ATP6V0D2: variants seen among roughly 807,000 people sequenced by gnomAD.
The protein encoded by ATP6V0D2 is ATPase H+ transporting V0 subunit d2, also known as V-type proton ATPase subunit d 2.
A neutral mutation model predicts 40.0 loss-of-function variants in ATP6V0D2; 40 were observed. The ratio of observed to expected loss-of-function variants is 1.00; its 90% CI spans 0.78 to 1.30. The LOEUF is 1.30. Among genes scored for constraint, ATP6V0D2 ranks in the 50% most tolerant of loss-of-function variants. The probability of loss-of-function intolerance (pLI) is 0.00; values close to 1 mark genes in which losing one functional copy is unlikely to be tolerated. For synonymous variants in ATP6V0D2, 179 were observed against 156.3 expected (o/e 1.15, Z -1.08); for missense variants, 470 against 423.1 (o/e 1.11, Z -0.97).
chr8:86,132,376 G>T (rs1384946055), intron 2 of ATP6V0D2, among the ~76,000 whole-genome samples: 1 of 151,862 alleles, frequency 6.6e-6, no homozygotes, highest in Non-Finnish European at 1.5e-5. Flanking sequence ...ATACATTGTT[G>T]TTAACTATAG....
chr8:86,151,561 C>G (rs1251393007), intron 7 of ATP6V0D2, 21 bp downstream of exon 7: 2 of 1,560,426 alleles, frequency 1.3e-6, no homozygotes, highest in Admixed American at 1.9e-5. Flanking sequence ...AGTGGAAATA[C>G]TATTAGCTTA....
intron 2 of ATP6V0D2, among the ~76,000 whole-genome samples, chr8:86,136,859 G>T (rs1354214123): frequency 6.6e-6 from 1 of 152,102 alleles, no homozygotes; most frequent in Admixed American, 6.5e-5. Flanking sequence ...TCTCACAAAG[G>T]TGGCTAAGCT....
chr8:86,142,819 C>T (rs1249903844), intron 4 of ATP6V0D2, 58 bp from the exon 5 acceptor site: 1 of 1,102,112 alleles, frequency 9.1e-7, no homozygotes, highest in African/African-American at 1.6e-5. Context: ...CTGATCTAGA[C>T]ATTTTCAAAA....
At chr8:86,137,498 C>T (rs1313729336) in intron 2 of ATP6V0D2, among the ~76,000 whole-genome samples, 2 of 152,182 alleles carry the variant, frequency 1.3e-5, no homozygotes, top group African/African-American at 2.4e-5. Flanking sequence ...TTTAAACTAA[C>T]CCCTCCTGAC....
chr8:86,101,569 G>A (rs961147386), intron 1 of ATP6V0D2, among the ~76,000 whole-genome samples: 22 of 149,694 alleles, frequency 1.5e-4, no homozygotes, highest in African/African-American at 5.2e-4. Flanking sequence ...TTAATCAAAA[G>A]ACTTGTCGAG....
intron 5 of ATP6V0D2, among the ~76,000 whole-genome samples, chr8:86,149,316 G>C (rs1369583675): frequency 6.6e-6 from 1 of 151,968 alleles, no homozygotes; most frequent in Non-Finnish European, 1.5e-5. Context: ...GGAGCTCAAA[G>C]GAATAGAAAC....
intron 2 of ATP6V0D2, among the ~76,000 whole-genome samples, chr8:86,132,196 T>C (rs1452674589): frequency 6.6e-6 from 1 of 152,132 alleles, no homozygotes; most frequent in Non-Finnish European, 1.5e-5. Flanking sequence ...AGTGTTAGTG[T>C]GTTGTTTTTT....
intron 3 of ATP6V0D2, 146 bp downstream of exon 3, chr8:86,139,781 C>A (rs567361060): frequency 6.8e-5 from 54 of 788,550 alleles, no homozygotes; most frequent in Middle Eastern, 2.8e-4. Context: ...GCATACCATG[C>A]AGATTCCTGG....
At chr8:86,140,959 G>A (rs1818963029) in intron 3 of ATP6V0D2, among the ~76,000 whole-genome samples, 1 of 152,140 alleles carries the variant, frequency 6.6e-6, no homozygotes, top group African/African-American at 2.4e-5. Flanking sequence ...TGTGGGTGAT[G>A]GGAGACAGTG....
At chr8:86,134,449 G>A (rs1818869287) in intron 2 of ATP6V0D2, among the ~76,000 whole-genome samples, 1 of 152,126 alleles carries the variant, frequency 6.6e-6, no homozygotes, top group African/African-American at 2.4e-5. Context: ...TTTCTTAATT[G>A]TATTTCACAG....
chr8:86,103,799 C>T (rs1239719508), intron 1 of ATP6V0D2, among the ~76,000 whole-genome samples: 2 of 152,100 alleles, frequency 1.3e-5, no homozygotes, highest in Non-Finnish European at 2.9e-5. Flanking sequence ...GAGATGACAG[C>T]TATACAAGGC....
Position 86,127,949 on chromosome 8 carries a change from G to C in ATP6V0D2, c.303-11508G>C, listed in dbSNP as rs552195461. 3.3e-5 allele frequency among the ~76,000 whole-genome samples: 5 copies of C among 152,284 alleles called. No individual in the cohort carries two copies. In the South Asian group the frequency reaches 1.0e-3, roughly 32 times the overall value. ...GTGGCTTTCTGGGCCAGGCACAGTG[G>C]CTCATGCCTGTAATCTCAGCACTTT... On this transcript the variant is annotated intron_variant, in intron 2 of 7. Coordinates refer to ENST00000285393, the MANE Select transcript of ATP6V0D2 (RefSeq NM_152565.1).
intron 1 of ATP6V0D2, among the ~76,000 whole-genome samples, chr8:86,099,478 C>T (rs4961077): frequency 0.68 from 102,829 of 152,006 alleles, 35,964 homozygotes; most frequent in African/African-American, 0.85. Flanking sequence ...AAGTAAGATA[C>T]CACACTCATC....
intron 1 of ATP6V0D2, among the ~76,000 whole-genome samples, chr8:86,102,465 T>C (rs989608978): frequency 6.6e-6 from 1 of 152,244 alleles, no homozygotes; most frequent in East Asian, 1.9e-4. Flanking sequence ...AAGCAGGGAC[T>C]TTCTGTAAAA....
intron 7 of ATP6V0D2, among the ~76,000 whole-genome samples, chr8:86,151,922 T>TA (rs1379286728): frequency 5.9e-5 from 9 of 152,156 alleles, no homozygotes; most frequent in African/African-American, 1.9e-4. Flanking sequence ...TGTTTCTTTT[T>TA]TAAAAAAAAA....
rs1818944142 is a variant in ATP6V0D2 at position 86,139,477 on chromosome 8, A to G, written c.323A>G (p.Asn108Ser). ...TYMTCSYMID[N>S]VILLMNGALQ... ...ACCAGGTGCAGTTATATGATAGACA[A>G]TGTGATTCTGCTGATGAATGGTGCA... Residue 108 changes from asparagine (N) to serine (S), a missense_variant, in exon 3 of 8, where the codon AAT (asparagine) becomes AGT (serine). By Grantham distance (46) the Asn-to-Ser change is conservative. Transcript: ENST00000285393. 4.3e-6 allele frequency: 7 copies of G among 1,611,352 alleles called. No homozygotes were observed. The highest frequency in any genetic ancestry group is 1.7e-5 in the Admixed American group (1 of 59,436).
intron 2 of ATP6V0D2, among the ~76,000 whole-genome samples, chr8:86,115,217 C>A (rs1170357178): frequency 6.6e-6 from 1 of 152,046 alleles, no homozygotes. Context: ...AAGAGCAGAG[C>A]AGTTTCAGCC....
intron 2 of ATP6V0D2, among the ~76,000 whole-genome samples, chr8:86,119,606 A>G (rs994164254): frequency 6.6e-6 from 1 of 152,152 alleles, no homozygotes; most frequent in African/African-American, 2.4e-5. Flanking sequence ...ACAACAAACT[A>G]CTGTGTTACA....
intron 5 of ATP6V0D2, among the ~76,000 whole-genome samples, chr8:86,145,000 CAAAA>C (rs777644427): frequency 7.3e-6 from 1 of 137,626 alleles, no homozygotes; most frequent in Middle Eastern, 3.3e-3. Context: ...ACTAACAATA[CAAAA>C]AAAAAAAAAT....
Sources: gnomAD v4.1 joint callset for allele counts (sites outside exome capture counted in the v4.1 genomes callset) on GRCh38, gnomAD v4.1.1 for gene constraint, MANE v1.5 for transcripts, NCBI Gene and HGNC (gene_info 2026-07-23, HGNC 2026-07-21) for gene names.